The following YIPF4 variants were observed in gnomAD, a reference collection of about 807,000 sequenced individuals.
The protein encoded by YIPF4 is protein YIPF4.
YIPF4 carries 18 observed loss-of-function variants against 29.4 expected under a neutral mutation model. The ratio of observed to expected loss-of-function variants is 0.61; its 90% confidence interval spans 0.42 to 0.91. The LOEUF (loss-of-function observed/expected upper bound fraction) is 0.91. Among genes scored for constraint, YIPF4 ranks in the 40% least tolerant of loss-of-function variants. YIPF4 has a pLI of 0.00. For missense variants in YIPF4, 279 were observed against 282.7 expected (o/e 0.99, Z 0.09); for synonymous variants, 115 against 104.7 (o/e 1.10, Z -0.60).
chr2:32,290,032 T>G (rs945137883), intron 1 of YIPF4, among the ~76,000 whole-genome samples: 56 of 152,204 alleles, frequency 3.7e-4, no homozygotes, highest in African/African-American at 1.3e-3. Context: ...ATCTACGAAT[T>G]TCCTTTAGTA....
In YIPF4 at chr2:32,309,753, ATC is replaced by A. The variant is rs1437286368; in HGVS notation, c.*4130_*4131del. 3 of 146,810 alleles carry A rather than the reference ATC, an allele frequency of 2.0e-5. No homozygotes were observed. Among genetic ancestry groups the A allele is most frequent in the African/African-American group, 7.7e-5 (3 of 38,900 alleles). 9.1% of individuals were successfully genotyped at this position (146,810 alleles called of 1,614,324 possible). A position where few individuals can be genotyped will look rare whatever the true frequency, so the allele number is the denominator to read the frequency against. ...CGCCCAGGCTGGAGTGTGTGGCGCA[ATC>A]TCAGCTCACTGCAACCTCTGATTCC... On this transcript the variant is annotated 3_prime_UTR_variant, in exon 6 of 6. Transcript: ENST00000238831.
At chr2:32,280,605 A>G (rs1386312715) in intron 1 of YIPF4, among the ~76,000 whole-genome samples, 1 of 151,758 alleles carries the variant, frequency 6.6e-6, no homozygotes, top group African/African-American at 2.4e-5. Context: ...GATGGTCTCG[A>G]TCTCCTGACC....
chr2:32,284,482 A>C (rs1389741274), intron 1 of YIPF4, among the ~76,000 whole-genome samples: 1 of 152,122 alleles, frequency 6.6e-6, no homozygotes, highest in East Asian at 1.9e-4. Context: ...GAGTTCTCAC[A>C]AGGTCTGGTT....
chr2:32,305,475 TC>T lies in YIPF4; in HGVS notation c.598-12del. 2.0e-6 allele frequency: 3 copies of T among 1,525,038 alleles called. No homozygotes were observed. The highest frequency in any genetic ancestry group is 1.4e-5 in the South Asian group (1 of 73,212). The allele number at this position is 1,525,038 out of a possible 1,614,324, so 94.5% of individuals were successfully genotyped here. ...CTAATATGCTGCCTTTTGTCTTTTT[TC>T]CTTTTTTTAAAGCTGTTTGGTGTGT... On this transcript the variant is annotated splice_polypyrimidine_tract_variant and intron_variant, in intron 5 of 5. Transcript: ENST00000238831.
At position 32,316,097 on chromosome 2, in the gene YIPF4, C is replaced by G. The variant is rs2031827993; in HGVS notation, c.*10471C>G. On this transcript the variant is annotated 3_prime_UTR_variant, in exon 6 of 6. Transcript: ENST00000238831. Reference sequence around the variant, plus strand: ...AGCGAAAGGAAAAGTGATGAAGACACTTGAAGACCTGTCATTTAAAATGAT... The same window carrying G: ...AGCGAAAGGAAAAGTGATGAAGACAGTTGAAGACCTGTCATTTAAAATGAT... The G allele has an allele frequency of 6.8e-6, 1 of 147,240 alleles. No individual in the cohort carries two copies. The highest frequency in any genetic ancestry group is 2.5e-5 in the African/African-American group (1 of 40,084). 9.1% of individuals were successfully genotyped at this position (147,240 alleles called of 1,614,324 possible). A position where few individuals can be genotyped will look rare whatever the true frequency, so the allele number is the denominator to read the frequency against.
chr2:32,285,938 T>A (rs1251916521), intron 1 of YIPF4, among the ~76,000 whole-genome samples: 1 of 152,206 alleles, frequency 6.6e-6, no homozygotes, highest in Non-Finnish European at 1.5e-5. Context: ...ATCACAAATG[T>A]TTTCTATACA....
Position 32,315,068 on chromosome 2 carries a change from A to T in YIPF4, c.*9442A>T, listed in dbSNP as rs897318705. On this transcript the variant is annotated 3_prime_UTR_variant, in exon 6 of 6. Transcript: ENST00000238831. ...ACTGATATGGCAGTTTAACAGTGTT[A>T]TTAAGAACTCAAGGTCCATTTATTG... is the stretch of plus-strand genomic sequence containing the variant. The T allele has an allele frequency of 5.3e-5, 8 of 152,226 alleles. No homozygotes were observed. Among genetic ancestry groups the T allele is most frequent in the African/African-American group, 1.9e-4 (8 of 41,464 alleles). The allele number at this position is 152,226 out of a possible 1,614,324, so 9.4% of individuals were successfully genotyped here. A position where few individuals can be genotyped will look rare whatever the true frequency, so the allele number is the denominator to read the frequency against.
intron 4 of YIPF4, 62 bp from the exon 5 acceptor site, chr2:32,301,319 AT>A: frequency 9.3e-7 from 1 of 1,075,096 alleles, no homozygotes; most frequent in Non-Finnish European, 1.4e-6. Flanking sequence ...ATGGTGTTCA[AT>A]TTTGATTAAA....
intron 4 of YIPF4, among the ~76,000 whole-genome samples, chr2:32,300,544 A>G (rs913282894): frequency 1.3e-5 from 2 of 152,156 alleles, no homozygotes; most frequent in African/African-American, 4.8e-5. Context: ...AAACTCTTGA[A>G]TAAATTTAGA....
intron 1 of YIPF4, among the ~76,000 whole-genome samples, chr2:32,280,135 A>ATTT (rs1353044337): frequency 9.9e-5 from 14 of 141,622 alleles, no homozygotes; most frequent in African/African-American, 3.7e-4. Flanking sequence ...ATATATATAT[A>ATTT]TTTTTTTTTT....
Position 32,309,361 on chromosome 2 carries a change from C to A in YIPF4, c.*3735C>A, listed in dbSNP as rs1261630145. The A allele has an allele frequency of 6.6e-6, 1 of 152,064 alleles. No individual in the cohort carries two copies. Among genetic ancestry groups the A allele is most frequent in the Non-Finnish European group, 1.5e-5 (1 of 68,018 alleles). 9.4% of individuals were successfully genotyped at this position (152,064 alleles called of 1,614,324 possible). On this transcript the variant is annotated 3_prime_UTR_variant, in exon 6 of 6. Coordinates refer to ENST00000238831, the MANE Select transcript of YIPF4 (RefSeq NM_032312.4). ...AACCACTGTATTTCTGCACATATTCCAAAATCTGAAAAAGTCTGAAACCTG... is the reference window on the plus strand; with the variant it reads ...AACCACTGTATTTCTGCACATATTCAAAAATCTGAAAAAGTCTGAAACCTG...
At chr2:32,294,154 G>A (rs987650418) in intron 3 of YIPF4, among the ~76,000 whole-genome samples, 1 of 151,466 alleles carries the variant, frequency 6.6e-6, no homozygotes, top group Admixed American at 6.6e-5. Flanking sequence ...CGGGTCGGCT[G>A]GCCTGGCAGG....
At chr2:32,294,286 T>C (rs1388500595) in intron 3 of YIPF4, among the ~76,000 whole-genome samples, 11 of 128,118 alleles carry the variant, frequency 8.6e-5, no homozygotes, top group African/African-American at 3.0e-5. Flanking sequence ...GGCTGCCGGG[T>C]GGAGGGGCTC....
Position 32,305,469 on chromosome 2 carries a change from C to A in YIPF4, c.598-20C>A. 1 of 1,484,074 alleles carries A rather than the reference C, an allele frequency of 6.7e-7. No homozygotes were observed. Among genetic ancestry groups the A allele is most frequent in the South Asian group, 1.5e-5 (1 of 65,750 alleles). The allele number at this position is 1,484,074 out of a possible 1,614,324, so 91.9% of individuals were successfully genotyped here. A position where few individuals can be genotyped will look rare whatever the true frequency, so the allele number is the denominator to read the frequency against. On this transcript the variant is annotated intron_variant, in intron 5 of 5. Coordinates refer to ENST00000238831, the MANE Select transcript of YIPF4 (RefSeq NM_032312.4). ...GACTTGCTAATATGCTGCCTTTTGTCTTTTTTCCTTTTTTTAAAGCTGTTT... is the reference window on the plus strand; with the variant it reads ...GACTTGCTAATATGCTGCCTTTTGTATTTTTTCCTTTTTTTAAAGCTGTTT...
chr2:32,304,222 G>A (rs1000917172), intron 5 of YIPF4, among the ~76,000 whole-genome samples: 3 of 151,958 alleles, frequency 2.0e-5, no homozygotes, highest in Admixed American at 6.6e-5. Flanking sequence ...AAACTAATCA[G>A]TAAACTCCAG....
chr2:32,278,943 A>G (rs72865564), intron 1 of YIPF4, among the ~76,000 whole-genome samples: 6,685 of 151,382 alleles, frequency 0.044, 326 homozygotes, highest in African/African-American at 0.12. Context: ...TCCCTATCCA[A>G]CTCATAACCT....
At chr2:32,292,690 T>C (rs1573533180) in intron 3 of YIPF4, among the ~76,000 whole-genome samples, 2 of 151,716 alleles carry the variant, frequency 1.3e-5, no homozygotes, top group East Asian at 3.9e-4. Context: ...GTGGAAGCCC[T>C]GTCTCTACTA....
intron 3 of YIPF4, among the ~76,000 whole-genome samples, chr2:32,296,863 T>A (rs528531576): frequency 1.3e-5 from 2 of 152,366 alleles, no homozygotes; most frequent in African/African-American, 4.8e-5. Context: ...CATGCAGTAA[T>A]TATTACTATA....
intron 5 of YIPF4, among the ~76,000 whole-genome samples, chr2:32,302,122 C>T (rs1279838023): frequency 1.3e-5 from 2 of 151,838 alleles, no homozygotes. Context: ...CCTCTGCCTC[C>T]TGGGTTCAAG....
Sources: allele counts gnomAD v4.1 joint callset (sites outside exome capture counted in the v4.1 genomes callset), GRCh38; gene constraint gnomAD v4.1.1; transcripts MANE v1.5; gene names NCBI Gene and HGNC (gene_info 2026-07-23, HGNC 2026-07-21).